The following MAP3K5 variants were observed in gnomAD, a reference collection of about 807,000 sequenced individuals.
MAP3K5 encodes the protein ASK-1.
MAP3K5 carries 56 observed loss-of-function variants against 158.7 expected under a neutral mutation model. The ratio of observed to expected loss-of-function variants is 0.35; its 90% CI spans 0.28 to 0.44. The LOEUF (loss-of-function observed/expected upper bound fraction) is 0.44, where lower values mean the gene tolerates loss of function less well. MAP3K5 is among the 20% of genes least tolerant of loss of function. The pLI, the probability that MAP3K5 is intolerant of heterozygous loss-of-function variation, is 1.00. For missense variants in MAP3K5, 1,294 were observed against 1,674.8 expected, an observed-to-expected ratio of 0.77 and a Z score of 3.97; for synonymous variants, 579 against 601.7, an observed-to-expected ratio of 0.96 and a Z score of 0.55.
chr6:136,761,623 G>A (rs1375927830), intron 1 of MAP3K5, among the ~76,000 whole-genome samples: 1 of 152,214 alleles, frequency 6.6e-6, no homozygotes, highest in Non-Finnish European at 1.5e-5. Context: ...CTCTTTATTA[G>A]AGAAAAGACC....
chr6:136,594,802 TTGTGTG>T (rs149943450), intron 21 of MAP3K5, among the ~76,000 whole-genome samples: 2 of 150,028 alleles, frequency 1.3e-5, no homozygotes, highest in African/African-American at 4.9e-5. Flanking sequence ...GTTTCCGTGT[TTGTGTG>T]TGTGTGTGTG....
chr6:136,736,616 G>A (rs769935508), intron 1 of MAP3K5, among the ~76,000 whole-genome samples: 1 of 152,156 alleles, frequency 6.6e-6, no homozygotes, highest in Non-Finnish European at 1.5e-5. Context: ...TATAATGAAA[G>A]AGTCTGGTTC....
chr6:136,644,329 A>G (rs974892182), intron 11 of MAP3K5, among the ~76,000 whole-genome samples: 1 of 152,170 alleles, frequency 6.6e-6, no homozygotes, highest in Non-Finnish European at 1.5e-5. Context: ...AGGACACACC[A>G]CAAGGAGGCG....
chr6:136,724,977 T>C (rs1406627463), intron 1 of MAP3K5, among the ~76,000 whole-genome samples: 2 of 152,218 alleles, frequency 1.3e-5, no homozygotes. Context: ...CACTGATTTA[T>C]TTACTGTCCC....
chr6:136,602,079 C>T (rs535585090), intron 19 of MAP3K5, 100 bp from the exon 20 acceptor site: 96 of 854,750 alleles, frequency 1.1e-4, no homozygotes, highest in Non-Finnish European at 1.5e-4. Flanking sequence ...CAACAAGATC[C>T]CTTATCATAC....
intron 28 of MAP3K5, among the ~76,000 whole-genome samples, chr6:136,560,992 T>A (rs557328383): frequency 2.6e-5 from 4 of 151,144 alleles, no homozygotes; most frequent in East Asian, 1.9e-4. Context: ...TAAAATAAAA[T>A]AAAAATTAAC....
At position 136,611,360 on chromosome 6, in the gene MAP3K5, T is replaced by G; in HGVS notation, c.2443A>C (p.Ser815Arg). 1 of 1,610,958 alleles carries G rather than the reference T, an allele frequency of 6.2e-7. No homozygotes were observed. Among genetic ancestry groups the G allele is most frequent in the Non-Finnish European group, 8.5e-7 (1 of 1,177,292 alleles). The change falls in exon 18 of 30, where the codon AGT (serine) becomes CGT (arginine). Residue 815 changes from serine (S) to arginine (R), a missense_variant. Physicochemically the swap from Ser to Arg is moderately radical, Grantham distance 110. Around this residue, in one of 5 missense-constraint regions of MAP3K5, gnomAD observed 362 missense variants for 463.2 expected, o/e 0.78. Transcript: ENST00000359015. ...KGDNVLINTY[S>R]GVLKISDFGT... ...AAGTCAGAGATCTTGAGAACACCAC[T>G]GTAGGTATTAATCAACACATTGTCA...
intron 24 of MAP3K5, among the ~76,000 whole-genome samples, chr6:136,581,498 T>C (rs568754701): frequency 3.6e-4 from 55 of 152,338 alleles, no homozygotes; most frequent in Non-Finnish European, 7.1e-4. Context: ...TGAGTATCTA[T>C]AGTATGATTA....
intron 8 of MAP3K5, among the ~76,000 whole-genome samples, chr6:136,668,215 A>G (rs888248115): frequency 6.6e-6 from 1 of 151,984 alleles, no homozygotes; most frequent in Non-Finnish European, 1.5e-5. Flanking sequence ...CCACGTCTTT[A>G]TAAAAAAAAA....
intron 14 of MAP3K5, among the ~76,000 whole-genome samples, chr6:136,632,747 G>A (rs1777433622): frequency 6.6e-6 from 1 of 152,112 alleles, no homozygotes; most frequent in South Asian, 2.1e-4. Flanking sequence ...TCAGGAATCT[G>A]GCTTGGGTTG....
In MAP3K5 at chr6:136,759,454, CTATATATATATATA is replaced by C. The variant is rs570186848; in HGVS notation, c.448+32242_448+32255del. On this transcript the variant is annotated intron_variant, in intron 1 of 29. Transcript: ENST00000359015. ...TCCTAAAATAACCTTTATACTAAAACTATATATATATATATATATATATATATAAAGTTTGAGAC... is the reference window on the plus strand; with the variant it reads ...TCCTAAAATAACCTTTATACTAAAACTATATATATATATAAAGTTTGAGAC... Among the ~76,000 whole-genome samples the C allele has an allele frequency of 2.5e-4, 25 of 98,126 alleles. 1 individual carries two copies. Among genetic ancestry groups the C allele is most frequent in the Non-Finnish European group, 1.7e-4 (8 of 47,544 alleles). The allele number at this position is 98,126 out of a possible 152,430, so 64.4% of individuals were successfully genotyped here.
At chr6:136,645,360 T>A (rs530858288) in intron 11 of MAP3K5, among the ~76,000 whole-genome samples, 1 of 152,290 alleles carries the variant, frequency 6.6e-6, no homozygotes, top group Non-Finnish European at 1.5e-5. Flanking sequence ...GGGGTAAGCA[T>A]GTTTCCCTCA....
chr6:136,648,654 T>A (rs1009083555), intron 11 of MAP3K5, among the ~76,000 whole-genome samples: 1 of 152,224 alleles, frequency 6.6e-6, no homozygotes, highest in Non-Finnish European at 1.5e-5. Context: ...GCATTCTGGG[T>A]GCTGCTTAGT....
intron 1 of MAP3K5, among the ~76,000 whole-genome samples, chr6:136,779,380 C>G (rs77173009): frequency 0.086 from 12,801 of 148,204 alleles, 1,073 homozygotes; most frequent in African/African-American, 0.23. Flanking sequence ...AAGATCAAGA[C>G]TGCAGTGAGC....
chr6:136,792,639 G>C (rs1210744751), upstream of MAP3K5: 1 of 153,012 alleles, frequency 6.5e-6, no homozygotes, highest in South Asian at 2.1e-4. This position sits in a 1 kb window ranked among gnomAD's most constrained non-coding sequence, Gnocchi z 5.7. Context: ...GCTACCTGGC[G>C]CGCACCTTAC....
At chr6:136,728,286 C>T (rs1013476063) in intron 1 of MAP3K5, among the ~76,000 whole-genome samples, 1 of 152,062 alleles carries the variant, frequency 6.6e-6, no homozygotes, top group African/African-American at 2.4e-5. Context: ...GTTGCTGCTG[C>T]TTGTGAAGAG....
rs776508913 is a variant in MAP3K5, at chr6:136,757,579, A to ATT, written c.448+34129_448+34130dup. Among the ~76,000 whole-genome samples the ATT allele has an allele frequency of 3.4e-3, 376 of 111,818 alleles. 3 individuals are homozygous for ATT. Among genetic ancestry groups the ATT allele is most frequent in the East Asian group, 0.017 (58 of 3,346 alleles). 73.4% of individuals were successfully genotyped at this position (111,818 alleles called of 152,430 possible). A position where few individuals can be genotyped will look rare whatever the true frequency, so the allele number is the denominator to read the frequency against. On this transcript the variant is annotated intron_variant, in intron 1 of 29. Transcript: ENST00000359015. The stretch of plus-strand genomic sequence containing the variant: ...ACTCATTTTATAGATTTATTTATTT[A>ATT]TTTTTTATTTTTTTTTTTTTTTTTT...
chr6:136,625,830 ACTT>A (rs869030392), intron 14 of MAP3K5, among the ~76,000 whole-genome samples: 1 of 149,554 alleles, frequency 6.7e-6, no homozygotes, highest in Non-Finnish European at 1.5e-5. Context: ...AATCCTCAAG[ACTT>A]CATTAAGTCA....
chr6:136,726,103 G>A (rs188303550), intron 1 of MAP3K5, among the ~76,000 whole-genome samples: 169 of 152,242 alleles, frequency 1.1e-3, no homozygotes, highest in Middle Eastern at 3.4e-3. Flanking sequence ...ACTCTATTCT[G>A]GTTTTCAACT....
Sources: allele counts gnomAD v4.1 joint callset (sites outside exome capture counted in the v4.1 genomes callset), GRCh38; gene constraint gnomAD v4.1.1; regional missense constraint gnomAD v4.1.1; non-coding constraint Gnocchi (gnomAD v3.1); transcripts MANE v1.5; gene names NCBI Gene and HGNC (gene_info 2026-07-23, HGNC 2026-07-21).